KIRREL3: variants seen among roughly 807,000 people sequenced by gnomAD.
The protein encoded by KIRREL3 is kirre like nephrin family adhesion molecule 3.
Under a neutral mutation model 89.7 loss-of-function variants are expected in KIRREL3, and 36 were observed. The observed-to-expected ratio is 0.40, with a 90% CI of 0.31 to 0.53. The LOEUF (loss-of-function observed/expected upper bound fraction) is 0.53. Ranked by LOEUF, KIRREL3 falls within the 20% of genes least tolerant of loss-of-function variation. The pLI is 0.49. For synonymous variants in KIRREL3, 445 were observed against 441.4 expected, an observed-to-expected ratio of 1.01 and a Z score of -0.10; for missense variants, 864 against 1,056.6, an observed-to-expected ratio of 0.82 and a Z score of 2.53.
chr11:126,902,948 G>C (rs1382884628), intron 1 of KIRREL3, among the ~76,000 whole-genome samples: 1 of 151,974 alleles, frequency 6.6e-6, no homozygotes, highest in Non-Finnish European at 1.5e-5. Context: ...CAATGTCTTT[G>C]CCTATATTTA....
intron 1 of KIRREL3, among the ~76,000 whole-genome samples, chr11:126,825,586 G>A (rs1943377967): frequency 6.6e-6 from 1 of 152,106 alleles, no homozygotes; most frequent in African/African-American, 2.4e-5. Context: ...AAAAATCACA[G>A]GCTACTGCTG....
In KIRREL3 at chr11:126,703,179, C is replaced by T. The variant is rs997725269; in HGVS notation, c.56-140267G>A. 2.6e-5 allele frequency among the ~76,000 whole-genome samples: 4 copies of T among 152,194 alleles called. No individual in the cohort carries two copies. The highest frequency in any genetic ancestry group is 1.9e-4 in the East Asian group (1 of 5,184). ...CCAGTAGGCCTGGATTCCTTCCAGCCGTGCTGCTTCCTGCCATTTACTCCA... is the reference window on the plus strand; with the variant it reads ...CCAGTAGGCCTGGATTCCTTCCAGCTGTGCTGCTTCCTGCCATTTACTCCA... On this transcript the variant is annotated intron_variant, in intron 1 of 16. Coordinates refer to ENST00000525144, the MANE Select transcript of KIRREL3 (RefSeq NM_032531.4). The surrounding 1 kb of genome is among the most constrained non-coding windows in gnomAD (Gnocchi z 4.6).
At chr11:126,942,215 A>C (rs1174242734) in intron 1 of KIRREL3, among the ~76,000 whole-genome samples, 1 of 152,180 alleles carries the variant, frequency 6.6e-6, no homozygotes, top group Non-Finnish European at 1.5e-5. Flanking sequence ...TAGTTTACTC[A>C]TTAATAAAAT....
Position 126,429,400 on chromosome 11 carries a change from A to T in KIRREL3, c.1697-112T>A. The T allele has an allele frequency of 1.4e-6, 1 of 728,124 alleles. No homozygotes were observed. The allele number at this position is 728,124 out of a possible 1,614,324, so 45.1% of individuals were successfully genotyped here. A position where few individuals can be genotyped will look rare whatever the true frequency, so the allele number is the denominator to read the frequency against. On this transcript the variant is annotated intron_variant, in intron 14 of 16. Coordinates refer to ENST00000525144, the MANE Select transcript of KIRREL3 (RefSeq NM_032531.4). This position sits in a 1 kb window ranked among gnomAD's most constrained non-coding sequence, Gnocchi z 5.2. ...CTGCCACCCTCTGCATTTCCCCTCCAGCCCCTGAACTCAGCAGCTTCACCA... is the reference window on the plus strand; with the variant it reads ...CTGCCACCCTCTGCATTTCCCCTCCTGCCCCTGAACTCAGCAGCTTCACCA...
rs1291117207 is a variant in KIRREL3 at position 126,566,028 on chromosome 11, C to A, written c.56-3116G>T. 6.6e-6 allele frequency among the ~76,000 whole-genome samples: 1 copy of A among 152,172 alleles called. No homozygotes were observed. The highest frequency in any genetic ancestry group is 1.9e-4 in the East Asian group (1 of 5,196). ...GAATGGGAGAGTCAGATCACAGATG[C>A]ACATTTTGGAACAGTAAGATGATGG... is the stretch of plus-strand genomic sequence containing the variant. On this transcript the variant is annotated intron_variant, in intron 1 of 16. Transcript: ENST00000525144. The surrounding 1 kb of genome is among the most constrained non-coding windows in gnomAD (Gnocchi z 4.9).
chr11:126,677,509 A>G lies in KIRREL3; in HGVS notation c.56-114597T>C, dbSNP rs1161853355. Among the ~76,000 whole-genome samples, 1 of 152,152 alleles carries G rather than the reference A, an allele frequency of 6.6e-6. No individual in the cohort carries two copies. Among genetic ancestry groups the G allele is most frequent in the East Asian group, 1.9e-4 (1 of 5,180 alleles). ...CCTTATCAACCCCATTTTAGTTGAG[A>G]GTGCTGAGGTTCGGAGGTGAAATGA... On this transcript the variant is annotated intron_variant, in intron 1 of 16. Coordinates refer to ENST00000525144, the MANE Select transcript of KIRREL3 (RefSeq NM_032531.4). The surrounding 1 kb of genome is among the most constrained non-coding windows in gnomAD (Gnocchi z 5.1).
intron 1 of KIRREL3, among the ~76,000 whole-genome samples, chr11:126,789,418 A>T (rs1950571675): frequency 6.6e-6 from 1 of 152,088 alleles, no homozygotes; most frequent in Non-Finnish European, 1.5e-5. Flanking sequence ...CACTCCTGAA[A>T]TCTCCCCTGG....
rs1957864043 is a variant in KIRREL3 at position 126,501,523 on chromosome 11, T to C, written c.433+19792A>G. Among the ~76,000 whole-genome samples, 1 of 152,022 alleles carries C rather than the reference T, an allele frequency of 6.6e-6. No homozygotes were observed. Among genetic ancestry groups the C allele is most frequent in the Non-Finnish European group, 1.5e-5 (1 of 68,006 alleles). On this transcript the variant is annotated intron_variant, in intron 4 of 16. Transcript: ENST00000525144. This position sits in a 1 kb window ranked among gnomAD's most constrained non-coding sequence, Gnocchi z 5.8. ...GATGTGCTACACATTGCAGGGAGCA[T>C]TTTCATCCCAGGCGGTGCGTGACAA...
At chr11:126,467,412 C>A (rs1391933921) in intron 5 of KIRREL3, among the ~76,000 whole-genome samples, 1 of 152,202 alleles carries the variant, frequency 6.6e-6, no homozygotes, top group Admixed American at 6.5e-5. Flanking sequence ...CTTTCCAAAG[C>A]CCCCAGGGCC....
chr11:126,431,649 A>G lies in KIRREL3; in HGVS notation c.1589-123T>C. The G allele has an allele frequency of 1.0e-6, 1 of 977,914 alleles. No individual in the cohort carries two copies. Among genetic ancestry groups the G allele is most frequent in the Non-Finnish European group, 1.5e-6 (1 of 654,574 alleles). 60.6% of individuals were successfully genotyped at this position (977,914 alleles called of 1,614,324 possible). ...ATGGGGCCCTCCTGGGAAATGCCTCAGTGGGGCCTGGGCAGGCACAGGCCG... is the reference window on the plus strand; with the variant it reads ...ATGGGGCCCTCCTGGGAAATGCCTCGGTGGGGCCTGGGCAGGCACAGGCCG... On this transcript the variant is annotated intron_variant, in intron 13 of 16. Coordinates refer to ENST00000525144, the MANE Select transcript of KIRREL3 (RefSeq NM_032531.4). The surrounding 1 kb of genome is among the most constrained non-coding windows in gnomAD (Gnocchi z 7.1).
intron 1 of KIRREL3, among the ~76,000 whole-genome samples, chr11:126,784,637 A>G (rs1296120505): frequency 1.3e-5 from 2 of 151,194 alleles, no homozygotes; most frequent in Non-Finnish European, 2.9e-5. Context: ...AATTGGTGCT[A>G]GGAATGAACA....
intron 1 of KIRREL3, among the ~76,000 whole-genome samples, chr11:126,992,194 T>C (rs1050487778): frequency 1.3e-5 from 2 of 152,230 alleles, no homozygotes; most frequent in African/African-American, 4.8e-5. Flanking sequence ...TCCCTAGGAA[T>C]GTGTCATCCA....
intron 1 of KIRREL3, among the ~76,000 whole-genome samples, chr11:126,967,569 C>T (rs1591396422): frequency 6.6e-6 from 1 of 152,128 alleles, no homozygotes; most frequent in Admixed American, 6.6e-5. Flanking sequence ...AATGCCACCA[C>T]TGGACTTGTT....
chr11:126,836,551 A>G (rs113393007), intron 1 of KIRREL3, among the ~76,000 whole-genome samples: 2,043 of 152,328 alleles, frequency 0.013, 46 homozygotes, highest in African/African-American at 0.047. Context: ...TGGGACTCCT[A>G]GAGGATAAAG....
chr11:126,827,970 G>A (rs189994784), intron 1 of KIRREL3, among the ~76,000 whole-genome samples: 7 of 152,256 alleles, frequency 4.6e-5, no homozygotes, highest in African/African-American at 1.2e-4. Flanking sequence ...TAGTGGATTT[G>A]TGACCTTGGG....
intron 1 of KIRREL3, among the ~76,000 whole-genome samples, chr11:126,698,688 G>A (rs1378724827): frequency 6.6e-6 from 1 of 152,268 alleles, no homozygotes; most frequent in African/African-American, 2.4e-5. Flanking sequence ...TGGTGGGGGA[G>A]TGTCTGTGGC....
At chr11:126,630,142 C>G (rs571311118) in intron 1 of KIRREL3, among the ~76,000 whole-genome samples, 1 of 152,126 alleles carries the variant, frequency 6.6e-6, no homozygotes, top group Non-Finnish European at 1.5e-5. Context: ...TCCACATAGA[C>G]GGACTGGGTT....
chr11:126,690,361 G>GT (rs368699048), intron 1 of KIRREL3, among the ~76,000 whole-genome samples: 14,573 of 144,230 alleles, frequency 0.1, 944 homozygotes, highest in African/African-American at 0.18. Flanking sequence ...TCTAAGCAGG[G>GT]GTTTTTTTTT....
rs1027634567 is a variant in KIRREL3, at chr11:126,696,994, G to T, written c.56-134082C>A. On this transcript the variant is annotated intron_variant, in intron 1 of 16. Coordinates refer to ENST00000525144, the MANE Select transcript of KIRREL3 (RefSeq NM_032531.4). This position sits in a 1 kb window ranked among gnomAD's most constrained non-coding sequence, Gnocchi z 4.4. ...TGCACTTAAACATGACAAAAAAAAT[G>T]CACTAAATAAGTGTCATCTCCTTCC... Among the ~76,000 whole-genome samples the T allele has an allele frequency of 6.6e-6, 1 of 152,132 alleles. No individual in the cohort carries two copies. Among genetic ancestry groups the T allele is most frequent in the African/African-American group, 2.4e-5 (1 of 41,420 alleles).
Sources: allele counts gnomAD v4.1 joint callset (sites outside exome capture counted in the v4.1 genomes callset), GRCh38; gene constraint gnomAD v4.1.1; non-coding constraint Gnocchi (gnomAD v3.1); transcripts MANE v1.5; gene names NCBI Gene and HGNC (gene_info 2026-07-23, HGNC 2026-07-21).